Variants in POC1B observed in about 807,000 individuals in gnomAD.
POC1B encodes POC1 centriolar protein homolog B.
Under a neutral mutation model 60.6 loss-of-function variants are expected in POC1B, and 44 were observed. The ratio of observed to expected loss-of-function variants is 0.73; its 90% CI spans 0.57 to 0.93. The LOEUF (loss-of-function observed/expected upper bound fraction) is 0.93, where lower values mean the gene tolerates loss of function less well. Among genes scored for constraint, POC1B ranks in the 40% least tolerant of loss-of-function variants. The pLI is 0.00. For missense variants in POC1B, 555 were observed against 572.3 expected, an observed-to-expected ratio of 0.97 and a Z score of 0.31; for synonymous variants, 180 against 198.9, an observed-to-expected ratio of 0.90 and a Z score of 0.80.
At chr12:89,447,268 A>T (rs1299370966) in intron 10 of POC1B, among the ~76,000 whole-genome samples, 1 of 152,200 alleles carries the variant, frequency 6.6e-6, no homozygotes, top group Non-Finnish European at 1.5e-5. Flanking sequence ...GAAGTTTCTC[A>T]TGTGATCTTT....
At chr12:89,524,922 C>T in intron 2 of POC1B, 198 bp downstream of exon 2, 4 of 861,860 alleles carry the variant, frequency 4.6e-6, no homozygotes, top group Non-Finnish European at 7.0e-6. Context: ...GGCTCTTGGC[C>T]GGGCCGGGGG....
intron 10 of POC1B, among the ~76,000 whole-genome samples, chr12:89,430,456 A>G (rs1488642776): frequency 6.6e-6 from 1 of 152,180 alleles, no homozygotes; most frequent in East Asian, 1.9e-4. Context: ...CAACATAACC[A>G]TGGTCCACAC....
At position 89,525,108 on chromosome 12, in the gene POC1B, A is replaced by T; in HGVS notation, c.100+12T>A. 1 of 1,613,952 alleles carries T rather than the reference A, an allele frequency of 6.2e-7. No individual in the cohort carries two copies. The highest frequency in any genetic ancestry group is 8.5e-7 in the Non-Finnish European group (1 of 1,179,886). On this transcript the variant is annotated intron_variant, in intron 2 of 11. Transcript: ENST00000313546. ...AGTCTCATTACAAAAGCAAAACAAG[A>T]ATAAGACTTACCAAGTTGCTTGCCG... is the stretch of plus-strand genomic sequence containing the variant.
chr12:89,525,040 A>G, intron 2 of POC1B, 80 bp downstream of exon 2: 4 of 1,584,658 alleles, frequency 2.5e-6, no homozygotes, highest in Non-Finnish European at 3.4e-6. Flanking sequence ...TCTCCTAGGG[A>G]CCCTGCCCGG....
At chr12:89,524,676 C>A (rs1414346528) in intron 2 of POC1B, 1 of 1,006,798 alleles carries the variant, frequency 9.9e-7, no homozygotes, top group Non-Finnish European at 1.5e-6. Context: ...GCGCTAGGCT[C>A]CTTTCCAGCC....
At chr12:89,523,948 G>A in intron 2 of POC1B, 4 of 1,613,424 alleles carry the variant, frequency 2.5e-6, no homozygotes, top group Non-Finnish European at 2.5e-6. Context: ...TCGCTTATTG[G>A]TCCTAATCAA....
chr12:89,432,174 A>T (rs553225314), intron 10 of POC1B, among the ~76,000 whole-genome samples: 1 of 152,078 alleles, frequency 6.6e-6, no homozygotes, highest in East Asian at 1.9e-4. Context: ...GCCTGAGCTC[A>T]AGAGTTTGAG....
chr12:89,406,760 G>A, the POC1B span, among the ~76,000 whole-genome samples: 1,063 of 151,854 alleles, frequency 7.0e-3, 17 homozygotes, highest in African/African-American at 0.025. Flanking sequence ...GGAGGTTATC[G>A]CCATGGGAAA....
Position 89,501,910 on chromosome 12 carries a change from A to G in POC1B, c.101-4568T>C, listed in dbSNP as rs996257114. 32 of 1,123,964 alleles carry G rather than the reference A, an allele frequency of 2.8e-5. No homozygotes were observed. In the South Asian group the frequency reaches 3.8e-4, roughly 13 times the overall value. The allele number at this position is 1,123,964 out of a possible 1,614,324, so 69.6% of individuals were successfully genotyped here. A position where few individuals can be genotyped will look rare whatever the true frequency, so the allele number is the denominator to read the frequency against. On this transcript the variant is annotated intron_variant, in intron 2 of 11. Coordinates refer to ENST00000313546, the MANE Select transcript of POC1B (RefSeq NM_172240.3). ...TTTAAATGCTAAAGGTTCTGGAGGTATCATTGGTCATGATGAAATTTCCAG... is the reference window on the plus strand; with the variant it reads ...TTTAAATGCTAAAGGTTCTGGAGGTGTCATTGGTCATGATGAAATTTCCAG...
chr12:89,452,662 A>G (rs935782137), intron 10 of POC1B, among the ~76,000 whole-genome samples: 1 of 152,138 alleles, frequency 6.6e-6, no homozygotes, highest in Non-Finnish European at 1.5e-5. Flanking sequence ...CTTAGTGATT[A>G]TTACTATTTT....
At chr12:89,407,886 C>G in the POC1B span, among the ~76,000 whole-genome samples, 1 of 152,142 alleles carries the variant, frequency 6.6e-6, no homozygotes, top group Non-Finnish European at 1.5e-5. Context: ...ATACATGTAA[C>G]ATGGTGGTTT....
At chr12:89,470,268 A>T in intron 7 of POC1B, 93 bp downstream of exon 7, 1 of 786,434 alleles carries the variant, frequency 1.3e-6, no homozygotes, top group Non-Finnish European at 1.6e-6. Context: ...TGTCTGGAAA[A>T]ACAATAAAGG....
In POC1B at chr12:89,500,693, C is replaced by G. The variant is rs886854902; in HGVS notation, c.101-3351G>C. ...GCTGCCTTCAAGTACAGAGGTTTCA[C>G]TTAAAACCAAAAAAAGATTAAACTT... On this transcript the variant is annotated intron_variant, in intron 2 of 11. Transcript: ENST00000313546. 6 of 1,455,192 alleles carry G rather than the reference C, an allele frequency of 4.1e-6. No individual in the cohort carries two copies. The African/African-American group carries it at 8.6e-5, about 21-fold the overall frequency. The allele number at this position is 1,455,192 out of a possible 1,614,324, so 90.1% of individuals were successfully genotyped here.
At chr12:89,511,276 T>G (rs1280844022) in intron 2 of POC1B, among the ~76,000 whole-genome samples, 3 of 151,746 alleles carry the variant, frequency 2.0e-5, no homozygotes, top group Non-Finnish European at 4.4e-5. Context: ...TGCAAAAAAG[T>G]TAGCCAGGCA....
At chr12:89,444,121 C>T (rs1426960053) in intron 10 of POC1B, among the ~76,000 whole-genome samples, 5 of 151,988 alleles carry the variant, frequency 3.3e-5, no homozygotes, top group African/African-American at 1.2e-4. Context: ...AAGAGCCTAC[C>T]AACCAAAAAA....
At chr12:89,442,163 C>G (rs1190621516) in intron 10 of POC1B, among the ~76,000 whole-genome samples, 1 of 152,150 alleles carries the variant, frequency 6.6e-6, no homozygotes, top group Non-Finnish European at 1.5e-5. Flanking sequence ...AGAATGGAAC[C>G]AACTTGGAAA....
chr12:89,433,107 T>C (rs767599408), intron 10 of POC1B, among the ~76,000 whole-genome samples: 8 of 152,102 alleles, frequency 5.3e-5, no homozygotes, highest in Admixed American at 2.0e-4. Flanking sequence ...GAATGCTTGA[T>C]TGGATAGCAC....
intron 10 of POC1B, among the ~76,000 whole-genome samples, chr12:89,444,396 G>C (rs888424372): frequency 3.9e-5 from 6 of 152,148 alleles, no homozygotes; most frequent in Non-Finnish European, 8.8e-5. Context: ...ACATCAAAAA[G>C]CTTATCCACC....
intron 11 of POC1B, among the ~76,000 whole-genome samples, chr12:89,422,910 T>A (rs563688771): frequency 2.6e-4 from 40 of 152,336 alleles, no homozygotes; most frequent in African/African-American, 8.4e-4. Context: ...CCTTCATATT[T>A]TATATTATCT....
Sources: gnomAD v4.1 joint callset for allele counts (sites outside exome capture counted in the v4.1 genomes callset) on GRCh38, gnomAD v4.1.1 for gene constraint, MANE v1.5 for transcripts, NCBI Gene and HGNC (gene_info 2026-07-23, HGNC 2026-07-21) for gene names.